Variants in DMD observed in about 807,000 individuals in gnomAD.
The protein encoded by DMD is dystrophin, also known as mutant dystrophin.
In DMD, 63 loss-of-function variants were observed where a neutral mutation model predicts 330.1. That is an observed-to-expected ratio of 0.19 (90% CI 0.16 to 0.24). The LOEUF is 0.24. DMD is among the 10% of genes least tolerant of loss of function. DMD has a pLI of 1.00. For missense variants in DMD, 3,344 were observed against 2,684.1 expected, an observed-to-expected ratio of 1.25 and a Z score of -5.43; for synonymous variants, 1,223 against 959.8, an observed-to-expected ratio of 1.27 and a Z score of -5.07.
At chrX:32,137,732 G>A (rs5972498) in intron 44 of DMD, among the ~76,000 whole-genome samples, 5,439 of 110,478 alleles carry the variant, frequency 0.049, 239 homozygotes, top group African/African-American at 0.14. Flanking sequence ...AAACAAGAGT[G>A]CCTCGGAGCT....
At chrX:31,247,075 T>C (rs1019085618) in intron 63 of DMD, among the ~76,000 whole-genome samples, 6 of 111,932 alleles carry the variant, frequency 5.4e-5, no homozygotes, top group African/African-American at 9.8e-5. Context: ...TCAAAATAGG[T>C]TTCCTTTCAA....
At chrX:32,732,183 G>A (rs2067776072) in intron 7 of DMD, among the ~76,000 whole-genome samples, 1 of 111,287 alleles carries the variant, frequency 9.0e-6, no homozygotes, top group Non-Finnish European at 1.9e-5. Context: ...TGAAATTAAT[G>A]AAATGAACCG....
chrX:33,284,793 T>A (rs2053404735), intron 1 of DMD, among the ~76,000 whole-genome samples: 1 of 86,622 alleles, frequency 1.2e-5, no homozygotes, highest in Admixed American at 1.2e-4. Context: ...CCCAATATGT[T>A]CTCATTAAAG....
intron 1 of DMD, among the ~76,000 whole-genome samples, chrX:33,312,003 A>C (rs1051671724): frequency 9.1e-6 from 1 of 110,413 alleles, no homozygotes; most frequent in Admixed American, 9.7e-5. Context: ...AAAAATAGCA[A>C]GTTTTTTTTT....
intron 2 of DMD, among the ~76,000 whole-genome samples, chrX:32,900,456 G>T (rs1195854796): frequency 1.8e-5 from 2 of 111,340 alleles, no homozygotes; most frequent in African/African-American, 6.5e-5. Context: ...CCATTCAACT[G>T]CCTCAGCCTC....
chrX:32,530,318 C>A (rs1326158625), intron 17 of DMD, among the ~76,000 whole-genome samples: 2 of 112,129 alleles, frequency 1.8e-5, no homozygotes, highest in Admixed American at 1.9e-4. Flanking sequence ...TTCATCTTGG[C>A]ACCCATAGAA....
At position 33,072,951 on chromosome X, in the gene DMD, G is replaced by A. The variant is rs761993676; in HGVS notation, c.32-52751C>T. ...TTAATTATCTGTATACAAATTCACC[G>A]GCCATTTTCCTTTGAGGTATCCCTA... is the stretch of plus-strand genomic sequence containing the variant. On this transcript the variant is annotated intron_variant, in intron 1 of 78. Transcript: ENST00000357033. 7.2e-5 allele frequency among the ~76,000 whole-genome samples: 8 copies of A among 111,636 alleles called. No individual in the cohort carries two copies. In the South Asian group the frequency reaches 1.1e-3, roughly 16 times the overall value.
chrX:32,399,258 T>G (rs753545242), intron 30 of DMD, among the ~76,000 whole-genome samples: 1 of 111,459 alleles, frequency 9.0e-6, no homozygotes, highest in South Asian at 3.7e-4. Context: ...GTTAAAAATC[T>G]TCTTCACAAC....
chrX:32,448,967 T>C (rs1258951949), intron 26 of DMD, among the ~76,000 whole-genome samples: 3 of 111,186 alleles, frequency 2.7e-5, no homozygotes, highest in Non-Finnish European at 5.7e-5. Flanking sequence ...AATATTTCAA[T>C]ATTAACTAGG....
At chrX:31,258,016 A>T (rs904968134) in intron 63 of DMD, among the ~76,000 whole-genome samples, 1 of 112,346 alleles carries the variant, frequency 8.9e-6, no homozygotes, top group Non-Finnish European at 1.9e-5. Context: ...CAACAGTGAA[A>T]GGAGTGCCCA....
chrX:31,592,056 C>A (rs2076900082), intron 55 of DMD, among the ~76,000 whole-genome samples: 1 of 110,080 alleles, frequency 9.1e-6, no homozygotes, highest in African/African-American at 3.3e-5. Context: ...ATATATATTT[C>A]TCTTATTGAA....
At position 32,205,910 on chromosome X, in the gene DMD, C is replaced by G; in HGVS notation, c.6438+11006G>C. Reference sequence around the variant, plus strand: ...CTGCCACCTGATGGACGATGATGGACATGAGTCCTCTGAGGCCCCAAAACT... The same window carrying G: ...CTGCCACCTGATGGACGATGATGGAGATGAGTCCTCTGAGGCCCCAAAACT... On this transcript the variant is annotated intron_variant, in intron 44 of 78. Coordinates refer to ENST00000357033, the MANE Select transcript of DMD (RefSeq NM_004006.3). 3 of 352,093 alleles carry G rather than the reference C, an allele frequency of 8.5e-6. No individual in the cohort carries two copies. The South Asian group carries it at 1.0e-4, about 12-fold the overall frequency. 29.0% of individuals were successfully genotyped at this position (352,093 alleles called of 1,213,427 possible).
intron 2 of DMD, among the ~76,000 whole-genome samples, chrX:32,979,746 T>G (rs1411180671): frequency 8.9e-6 from 1 of 111,900 alleles, no homozygotes; most frequent in East Asian, 2.8e-4. Flanking sequence ...ACCTGGAAGA[T>G]ATATAATGGG....
rs1192109634 is a variant in DMD at position 32,644,218 on chromosome X, ATCT to A, written c.1242_1244del (p.Glu414del). On this transcript the variant is annotated inframe_deletion, in exon 11 of 79. Transcript: ENST00000357033. ...TCTGCTCTTGTACTTCAGTTTCTTC[ATCT>A]TCTGATAATTTTCCTGTTCCAATCA... 8.3e-7 allele frequency: 1 copy of A among 1,210,531 alleles called. No individual in the cohort carries two copies. The highest frequency in any genetic ancestry group is 1.8e-5 in the South Asian group (1 of 56,974).
intron 1 of DMD, among the ~76,000 whole-genome samples, chrX:33,240,374 T>C (rs1294560063): frequency 8.9e-6 from 1 of 112,054 alleles, no homozygotes; most frequent in Non-Finnish European, 1.9e-5. Context: ...TTCATTCATG[T>C]TGCTGCAAAT....
chrX:32,630,385 T>C (rs1770130035), intron 11 of DMD, among the ~76,000 whole-genome samples: 1 of 110,641 alleles, frequency 9.0e-6, no homozygotes, highest in African/African-American at 3.3e-5. Context: ...CTTTGGAAGT[T>C]TGATTTTTAA....
At chrX:32,041,893 G>A (rs1236351113) in intron 44 of DMD, among the ~76,000 whole-genome samples, 1 of 106,594 alleles carries the variant, frequency 9.4e-6, no homozygotes, top group African/African-American at 3.4e-5. Flanking sequence ...ATTAACTTTG[G>A]TGGGGGTATG....
chrX:32,412,133 G>A, intron 29 of DMD: 2 of 1,150,950 alleles, frequency 1.7e-6, no homozygotes, highest in Non-Finnish European at 2.3e-6. Context: ...AGGGATCTCT[G>A]CATGAAAATC....
chrX:32,122,108 G>A (rs764448421), intron 44 of DMD, among the ~76,000 whole-genome samples: 6 of 111,109 alleles, frequency 5.4e-5, no homozygotes, highest in African/African-American at 9.8e-5. Flanking sequence ...TGTTTCCTTC[G>A]AATCTATAGG....
Sources: allele counts gnomAD v4.1 joint callset (sites outside exome capture counted in the v4.1 genomes callset), GRCh38; gene constraint gnomAD v4.1.1; transcripts MANE v1.5; gene names NCBI Gene and HGNC (gene_info 2026-07-23, HGNC 2026-07-21).